Variants in ALPK2 observed in about 807,000 individuals in gnomAD.
ALPK2 encodes alpha kinase 2.
Under a neutral mutation model 163.1 loss-of-function variants are expected in ALPK2, and 127 were observed. That is an observed-to-expected ratio of 0.78 (90% confidence interval 0.67 to 0.90). The LOEUF (loss-of-function observed/expected upper bound fraction) is 0.90, where lower values mean the gene tolerates loss of function less well. ALPK2 is among the 40% of genes least tolerant of loss of function. The pLI is 0.00. For missense variants in ALPK2, 2,360 were observed against 2,589.6 expected, an observed-to-expected ratio of 0.91 and a Z score of 1.92; for synonymous variants, 953 against 959.1, an observed-to-expected ratio of 0.99 and a Z score of 0.12.
intron 1 of ALPK2, among the ~76,000 whole-genome samples, chr18:58,625,258 C>T (rs1169725420): frequency 6.6e-6 from 1 of 152,058 alleles, no homozygotes; most frequent in African/African-American, 2.4e-5. Context: ...TCAGTGTCAC[C>T]CCCAGCAGCT....
chr18:58,514,682 T>C (rs1025525275), intron 10 of ALPK2, among the ~76,000 whole-genome samples: 1 of 152,150 alleles, frequency 6.6e-6, no homozygotes, highest in African/African-American at 2.4e-5. Flanking sequence ...TGAGAGTAGA[T>C]ATCCTTTCTT....
chr18:58,489,806 G>A (rs1212716725), intron 12 of ALPK2, among the ~76,000 whole-genome samples: 1 of 152,068 alleles, frequency 6.6e-6, no homozygotes, highest in Non-Finnish European at 1.5e-5. Context: ...GGGCATGGTG[G>A]CTTATGTCTG....
chr18:58,536,395 A>G lies in ALPK2; in HGVS notation c.3792T>C (p.Gly1264=), dbSNP rs1478667929. 6.2e-7 allele frequency: 1 copy of G among 1,614,042 alleles called. No individual in the cohort carries two copies. The highest frequency in any genetic ancestry group is 8.5e-7 in the Non-Finnish European group (1 of 1,180,024). The part of the protein sequence containing the change: ...LTNSESKASD[G]GLIIPDKVWA... Reference sequence around the variant, plus strand: ...AGACCTTGTCAGGAATTATGAGACCACCGTCTGATGCCTTGCTCTCAGAAT... The same window carrying G: ...AGACCTTGTCAGGAATTATGAGACCGCCGTCTGATGCCTTGCTCTCAGAAT... Residue 1264 remains glycine, a synonymous_variant, in exon 5 of 13, where the codon GGT becomes GGC. Transcript: ENST00000361673.
chr18:58,511,430 A>G (rs904788905), intron 10 of ALPK2, among the ~76,000 whole-genome samples: 21 of 152,224 alleles, frequency 1.4e-4, no homozygotes, highest in African/African-American at 4.1e-4. Context: ...CAGCGGTTAC[A>G]TGCACACACC....
chr18:58,511,035 C>G (rs2051487516), intron 10 of ALPK2, among the ~76,000 whole-genome samples: 1 of 152,086 alleles, frequency 6.6e-6, no homozygotes, highest in African/African-American at 2.4e-5. Flanking sequence ...TCATAGATAG[C>G]TCTTATTATT....
intron 8 of ALPK2, among the ~76,000 whole-genome samples, chr18:58,520,834 TA>T (rs1349047599): frequency 6.6e-6 from 1 of 152,178 alleles, no homozygotes; most frequent in Middle Eastern, 3.4e-3. Flanking sequence ...CCTCTGAATT[TA>T]AAAAAAGTGT....
intron 10 of ALPK2, 64 bp downstream of exon 10, chr18:58,514,929 C>G (rs942791967): frequency 5.6e-5 from 73 of 1,308,712 alleles, no homozygotes; most frequent in Non-Finnish European, 1.1e-5. Flanking sequence ...CCTTCTCACT[C>G]TCTCGTCCCT....
In ALPK2 at chr18:58,481,534, C is replaced by T. The variant is rs2051311021; in HGVS notation, c.*289G>A. The T allele has an allele frequency of 4.8e-6, 2 of 419,424 alleles. No homozygotes were observed. The allele number at this position is 419,424 out of a possible 1,614,324, so 26.0% of individuals were successfully genotyped here. A position where few individuals can be genotyped will look rare whatever the true frequency, so the allele number is the denominator to read the frequency against. On this transcript the variant is annotated 3_prime_UTR_variant, in exon 13 of 13. Coordinates refer to ENST00000361673, the MANE Select transcript of ALPK2 (RefSeq NM_052947.4). ...CCATGTGCAAATACACAAATATACA[C>T]ATGATGTGAGGTTGGTAAAAATGCT...
At chr18:58,527,083 T>C (rs1484054558) in intron 6 of ALPK2, among the ~76,000 whole-genome samples, 2 of 151,210 alleles carry the variant, frequency 1.3e-5, no homozygotes, top group African/African-American at 2.5e-5. Context: ...CCTCAAATGC[T>C]CCTTTGAACA....
chr18:58,553,742 G>A (rs553632546), intron 4 of ALPK2, among the ~76,000 whole-genome samples: 100 of 151,388 alleles, frequency 6.6e-4, no homozygotes, highest in Middle Eastern at 3.5e-3. Flanking sequence ...ACCTTCTGCC[G>A]TGATTGTAAG....
chr18:58,602,788 C>A (rs1406491148), intron 3 of ALPK2, among the ~76,000 whole-genome samples: 1 of 152,118 alleles, frequency 6.6e-6, no homozygotes, highest in African/African-American at 2.4e-5. Flanking sequence ...GTCACGAAGA[C>A]CCTGCTGATA....
Position 58,481,712 on chromosome 18 carries a change from A to C in ALPK2, c.*111T>G. 1 of 835,502 alleles carries C rather than the reference A, an allele frequency of 1.2e-6. No individual in the cohort carries two copies. 51.8% of individuals were successfully genotyped at this position (835,502 alleles called of 1,614,324 possible). A position where few individuals can be genotyped will look rare whatever the true frequency, so the allele number is the denominator to read the frequency against. ...CTTGGCGCACAGTCGGCTGGGAGTA[A>C]GGATTGCCACGCACTCTCTGCAGGC... On this transcript the variant is annotated 3_prime_UTR_variant, in exon 13 of 13. Transcript: ENST00000361673.
intron 11 of ALPK2, among the ~76,000 whole-genome samples, chr18:58,498,426 C>T (rs545693227): frequency 9.3e-4 from 142 of 152,288 alleles, no homozygotes; most frequent in African/African-American, 2.6e-3. Context: ...ATGCTTGTCC[C>T]GTAAGCAATC....
intron 1 of ALPK2, among the ~76,000 whole-genome samples, chr18:58,615,416 C>A (rs1041355008): frequency 2.6e-5 from 4 of 152,156 alleles, no homozygotes; most frequent in African/African-American, 9.7e-5. Flanking sequence ...AGGAACAAAT[C>A]TACATCCAGC....
chr18:58,535,876 A>G lies in ALPK2; in HGVS notation c.4311T>C (p.Asn1437=). The G allele has an allele frequency of 6.2e-7, 1 of 1,614,158 alleles. No individual in the cohort carries two copies. The highest frequency in any genetic ancestry group is 8.5e-7 in the Non-Finnish European group (1 of 1,180,012). The stretch of plus-strand genomic sequence containing the variant: ...CCGCTTCGTGGCCCATGTTTCCGTC[A>G]TTTGATTGACCCCCTTCTCTGGCGC... The part of the protein sequence containing the change: ...PQGAREGGQS[N]DGNMGHEAEI... The change falls in exon 5 of 13, where the codon AAT becomes AAC. Residue 1437 remains asparagine (N), a synonymous_variant. Coordinates refer to ENST00000361673, the MANE Select transcript of ALPK2 (RefSeq NM_052947.4).
chr18:58,497,684 T>A (rs1327971231), intron 12 of ALPK2, among the ~76,000 whole-genome samples: 1 of 152,086 alleles, frequency 6.6e-6, no homozygotes, highest in East Asian at 1.9e-4. Flanking sequence ...AAAAAAAATT[T>A]TTTTTCAAAG....
intron 10 of ALPK2, among the ~76,000 whole-genome samples, chr18:58,509,108 C>T: frequency 7.3e-6 from 1 of 137,118 alleles, no homozygotes. Flanking sequence ...TTGTTCAATT[C>T]CCAACTATGA....
chr18:58,511,200 A>G (rs11663966), intron 10 of ALPK2, among the ~76,000 whole-genome samples: 35,142 of 151,952 alleles, frequency 0.23, 4,581 homozygotes, highest in South Asian at 0.42. Flanking sequence ...ATTGATTTGC[A>G]TATGTTGAAC....
chr18:58,503,997 A>G lies in ALPK2; in HGVS notation c.6181T>C (p.Cys2061Arg). Residue 2061 changes from cysteine (C) to arginine (R), a missense_variant, in exon 11 of 13, where the codon TGT (cysteine) becomes CGT (arginine). Coordinates refer to ENST00000361673, the MANE Select transcript of ALPK2 (RefSeq NM_052947.4). ...LRRESEAGQK[C>R]CTFQHWVYQK... ...TACACCCAGTGCTGGAAGGTGCAAC[A>G]TTTCTGACCAGCTTCTGATTCTCTT... is the stretch of plus-strand genomic sequence containing the variant. The G allele has an allele frequency of 6.2e-7, 1 of 1,614,160 alleles. No homozygotes were observed.
Sources: gnomAD v4.1 joint callset for allele counts (sites outside exome capture counted in the v4.1 genomes callset) on GRCh38, gnomAD v4.1.1 for gene constraint, MANE v1.5 for transcripts, NCBI Gene and HGNC (gene_info 2026-07-23, HGNC 2026-07-21) for gene names.